Variants in ARHGAP6 observed in about 807,000 individuals in gnomAD.
ARHGAP6 encodes the protein Rho GTPase activating protein 6.
ARHGAP6 carries 16 observed loss-of-function variants against 55.7 expected under a neutral mutation model. The ratio of observed to expected loss-of-function variants is 0.29; its 90% CI spans 0.19 to 0.44. The LOEUF (loss-of-function observed/expected upper bound fraction) is 0.44, where lower values mean the gene tolerates loss of function less well. ARHGAP6 is among the 20% of genes least tolerant of loss of function. ARHGAP6 has a pLI of 1.00. For synonymous variants in ARHGAP6, 382 were observed against 360.9 expected (o/e 1.06, Z -0.66); for missense variants, 698 against 808.9 (o/e 0.86, Z 1.66).
intron 1 of ARHGAP6, among the ~76,000 whole-genome samples, chrX:11,559,361 C>G (rs1189892961): frequency 9.0e-6 from 1 of 111,056 alleles, no homozygotes; most frequent in Non-Finnish European, 1.9e-5. Context: ...CCTTGTTTGT[C>G]CAATTCCTTG....
chrX:11,536,523 A>T (rs2147067548), intron 1 of ARHGAP6, among the ~76,000 whole-genome samples: 1 of 112,158 alleles, frequency 8.9e-6, no homozygotes, highest in Non-Finnish European at 1.9e-5. Flanking sequence ...TTCTCCAAAT[A>T]AACTCCTTGA....
At chrX:11,407,500 G>T (rs986098594) in intron 1 of ARHGAP6, among the ~76,000 whole-genome samples, 2 of 111,875 alleles carry the variant, frequency 1.8e-5, no homozygotes, top group Non-Finnish European at 3.8e-5. Context: ...TTTCTCTTGG[G>T]TAGATAACTA....
intron 1 of ARHGAP6, among the ~76,000 whole-genome samples, chrX:11,458,070 C>A (rs1603217224): frequency 8.9e-6 from 1 of 111,974 alleles, no homozygotes; most frequent in Non-Finnish European, 1.9e-5. Context: ...GATGTGTAGA[C>A]ACAGCCTAAA....
At chrX:11,391,754 G>A (rs1472118345) in intron 1 of ARHGAP6, among the ~76,000 whole-genome samples, 1 of 112,433 alleles carries the variant, frequency 8.9e-6, no homozygotes, top group East Asian at 2.8e-4. Context: ...CTTGATCTTT[G>A]GCACAGTATT....
chrX:11,653,035 T>C (rs2052603293), intron 1 of ARHGAP6, among the ~76,000 whole-genome samples: 1 of 111,966 alleles, frequency 8.9e-6, no homozygotes, highest in Admixed American at 9.5e-5. Context: ...TTGAATGAGA[T>C]GGGCCTTGAA....
In ARHGAP6 at chrX:11,220,657, G is replaced by A. The variant is rs1314525062; in HGVS notation, c.749-23661C>T. 8.9e-4 allele frequency among the ~76,000 whole-genome samples: 97 copies of A among 109,489 alleles called. 1 individual carries two copies. Among genetic ancestry groups the A allele is most frequent in the Non-Finnish European group, 1.4e-3 (71 of 52,266 alleles). ...GCACTAAACATGGAAAGGAACAACC[G>A]GTACCAGCCGCTGCAAAATCATGCC... On this transcript the variant is annotated intron_variant, in intron 2 of 12. Coordinates refer to ENST00000337414, the MANE Select transcript of ARHGAP6 (RefSeq NM_013427.3).
At chrX:11,275,836 C>G (rs925597268) in intron 1 of ARHGAP6, among the ~76,000 whole-genome samples, 1 of 111,542 alleles carries the variant, frequency 9.0e-6, no homozygotes, top group Admixed American at 9.5e-5. Flanking sequence ...TTCCCCATGC[C>G]TTCCTACTCA....
At position 11,480,650 on chromosome X, in the gene ARHGAP6, A is replaced by G. The variant is rs762340007; in HGVS notation, c.588+183591T>C. On this transcript the variant is annotated intron_variant, in intron 1 of 12. Coordinates refer to ENST00000337414, the MANE Select transcript of ARHGAP6 (RefSeq NM_013427.3). ...AGCCATTTTTCCAAAATGTAATGTT[A>G]AGTAATCATTACAGTTTTAGCATGT... is the stretch of plus-strand genomic sequence containing the variant. Among the ~76,000 whole-genome samples, 3 of 112,678 alleles carry G rather than the reference A, an allele frequency of 2.7e-5. No individual in the cohort carries two copies. In the South Asian group the frequency reaches 1.1e-3, roughly 41 times the overall value.
intron 1 of ARHGAP6, among the ~76,000 whole-genome samples, chrX:11,421,634 T>C (rs1432327892): frequency 8.9e-6 from 1 of 112,079 alleles, no homozygotes; most frequent in African/African-American, 3.2e-5. Context: ...CTAGATTACC[T>C]CAGAGTCAGC....
At chrX:11,192,745 T>C (rs1933729) in intron 3 of ARHGAP6, among the ~76,000 whole-genome samples, 22,724 of 111,158 alleles carry the variant, frequency 0.2, 1,740 homozygotes, top group Middle Eastern at 0.31. Flanking sequence ...TGTATGTAGA[T>C]ACATATATGG....
At chrX:11,430,232 A>G (rs2049927794) in intron 1 of ARHGAP6, among the ~76,000 whole-genome samples, 2 of 112,590 alleles carry the variant, frequency 1.8e-5, no homozygotes, top group African/African-American at 6.5e-5. Context: ...GTAAGTCACT[A>G]AATGACATTC....
intron 1 of ARHGAP6, among the ~76,000 whole-genome samples, chrX:11,337,761 C>A (rs192783603): frequency 2.7e-5 from 3 of 112,603 alleles, no homozygotes; most frequent in Admixed American, 9.4e-5. Context: ...CAGATGTTGT[C>A]TTACTTCATT....
intron 2 of ARHGAP6, among the ~76,000 whole-genome samples, chrX:11,204,175 C>T (rs188673956): frequency 8.9e-6 from 1 of 112,615 alleles, no homozygotes; most frequent in African/African-American, 3.2e-5. Context: ...GAAGCTCTTC[C>T]TTCCTTTGGA....
intron 1 of ARHGAP6, among the ~76,000 whole-genome samples, chrX:11,458,002 T>G (rs953295839): frequency 8.9e-6 from 1 of 112,011 alleles, no homozygotes; most frequent in African/African-American, 3.2e-5. Flanking sequence ...CCAAGACAGA[T>G]AGAGCAAAGA....
At chrX:11,225,115 C>T (rs1346630166) in intron 2 of ARHGAP6, among the ~76,000 whole-genome samples, 4 of 110,698 alleles carry the variant, frequency 3.6e-5, no homozygotes, top group Admixed American at 1.9e-4. Flanking sequence ...TTTATCGTTG[C>T]TATCATTGCT....
At chrX:11,296,239 T>C (rs1435583107) in intron 1 of ARHGAP6, among the ~76,000 whole-genome samples, 1 of 112,326 alleles carries the variant, frequency 8.9e-6, no homozygotes, top group Non-Finnish European at 1.9e-5. Flanking sequence ...TTACTTTGCA[T>C]GTCAATTATG....
chrX:11,182,804 T>G (rs978414431), intron 5 of ARHGAP6, among the ~76,000 whole-genome samples: 8 of 108,905 alleles, frequency 7.3e-5, no homozygotes, highest in African/African-American at 2.7e-4. Context: ...CCTGACTAAT[T>G]TTTGTATTTT....
intron 1 of ARHGAP6, among the ~76,000 whole-genome samples, chrX:11,654,227 A>G (rs977235572): frequency 4.5e-5 from 5 of 111,604 alleles, no homozygotes; most frequent in Non-Finnish European, 7.5e-5. Flanking sequence ...AGCTTGCCCA[A>G]TTGTTTTTCA....
intron 1 of ARHGAP6, among the ~76,000 whole-genome samples, chrX:11,447,659 A>T (rs2050104968): frequency 8.9e-6 from 1 of 112,294 alleles, no homozygotes; most frequent in African/African-American, 3.2e-5. Context: ...GTCTCTTCCA[A>T]GTGAATACTT....
Sources: allele counts gnomAD v4.1 joint callset (sites outside exome capture counted in the v4.1 genomes callset), GRCh38; gene constraint gnomAD v4.1.1; transcripts MANE v1.5; gene names NCBI Gene and HGNC (gene_info 2026-07-23, HGNC 2026-07-21).